The following ATP10B variants were observed in gnomAD, a reference collection of about 807,000 sequenced individuals.
ATP10B encodes ATPase phospholipid transporting 10B (putative).
Under a neutral mutation model 141.2 loss-of-function variants are expected in ATP10B, and 122 were observed. The observed-to-expected ratio is 0.86, with a 90% CI of 0.75 to 1.00. The LOEUF (loss-of-function observed/expected upper bound fraction) is 1.00. ATP10B is among the 50% of genes least tolerant of loss of function. The pLI, the probability that ATP10B is intolerant of heterozygous loss-of-function variation, is 0.00. For synonymous variants in ATP10B, 685 were observed against 692.0 expected, an observed-to-expected ratio of 0.99 and a Z score of 0.16; for missense variants, 1,876 against 1,825.3, an observed-to-expected ratio of 1.03 and a Z score of -0.51.
chr5:160,879,135 C>T, the ATP10B span, among the ~76,000 whole-genome samples: 1 of 56,986 alleles, frequency 1.8e-5, no homozygotes, highest in Non-Finnish European at 3.5e-5. Flanking sequence ...TGGAACCAAC[C>T]CAAATGTCCA....
intron 18 of ATP10B, among the ~76,000 whole-genome samples, chr5:160,607,542 CTCACCCAAGA>C (rs1232440884): frequency 6.6e-6 from 1 of 152,136 alleles, no homozygotes; most frequent in African/African-American, 2.4e-5. Flanking sequence ...TCTTTAATAA[CTCACCCAAGA>C]TCATCCAAAC....
At chr5:160,615,272 G>GTCC (rs1041956753) in intron 17 of ATP10B, among the ~76,000 whole-genome samples, 10 of 151,898 alleles carry the variant, frequency 6.6e-5, no homozygotes, top group Non-Finnish European at 1.3e-4. Context: ...CTTCAATTGG[G>GTCC]TCCTCCTCCT....
chr5:160,745,971 G>A (rs1767781144), intron 2 of ATP10B, among the ~76,000 whole-genome samples: 1 of 152,202 alleles, frequency 6.6e-6, no homozygotes, highest in Admixed American at 6.5e-5. Context: ...CTAGAATCCA[G>A]CTCTTCTCTG....
the ATP10B span, among the ~76,000 whole-genome samples, chr5:160,925,513 C>A: frequency 6.6e-6 from 1 of 152,186 alleles, no homozygotes; most frequent in Non-Finnish European, 1.5e-5. Flanking sequence ...CATGATCCAA[C>A]CCCTTAGTCA....
chr5:160,585,096 C>T, intron 24 of ATP10B, among the ~76,000 whole-genome samples: 1 of 152,272 alleles, frequency 6.6e-6, no homozygotes, highest in African/African-American at 2.4e-5. Flanking sequence ...CTCCATCATT[C>T]TTTTTTCCTC....
At chr5:160,865,179 T>TAAGG in the ATP10B span, among the ~76,000 whole-genome samples, 1 of 152,082 alleles carries the variant, frequency 6.6e-6, no homozygotes, top group South Asian at 2.1e-4. Context: ...AATTGTACTA[T>TAAGG]AAGGCTATAG....
At chr5:160,668,211 C>T (rs1490785729) in intron 7 of ATP10B, among the ~76,000 whole-genome samples, 10 of 113,094 alleles carry the variant, frequency 8.8e-5, no homozygotes, top group Admixed American at 3.5e-4. Context: ...GCTTGGGTAA[C>T]AGAGCGAGAC....
At chr5:160,566,020 A>G (rs1478090652) in intron 25 of ATP10B, 120 bp from the exon 26 acceptor site, 4 of 919,300 alleles carry the variant, frequency 4.4e-6, no homozygotes, top group Non-Finnish European at 6.5e-6. Flanking sequence ...CTTTACTGCT[A>G]TTAAATCCAT....
Position 160,584,934 on chromosome 5 carries a change from C to T in ATP10B, c.3750+4658G>A, listed in dbSNP as rs114486757. 9.5e-3 allele frequency among the ~76,000 whole-genome samples: 1,442 copies of T among 152,256 alleles called. 18 individuals carry two copies. The highest frequency in any genetic ancestry group is 0.033 in the African/African-American group (1,362 of 41,544). ...TGTTTGGTCACCAGCATAGCTGTTC[C>T]TTTTCAAGTAATTTGTCTATAGTCT... On this transcript the variant is annotated intron_variant, in intron 24 of 25. Coordinates refer to ENST00000327245, the MANE Select transcript of ATP10B (RefSeq NM_025153.3).
chr5:160,814,027 T>C (rs1432676059), intron 1 of ATP10B, among the ~76,000 whole-genome samples: 2 of 151,990 alleles, frequency 1.3e-5, no homozygotes, highest in Non-Finnish European at 2.9e-5. Flanking sequence ...ACCACAAAGA[T>C]GGGTAAAAAA....
At chr5:160,736,743 G>A (rs1036433543) in intron 2 of ATP10B, among the ~76,000 whole-genome samples, 1 of 152,124 alleles carries the variant, frequency 6.6e-6, no homozygotes, top group South Asian at 2.1e-4. Context: ...CTGGGTGACA[G>A]AGTGAGACCC....
chr5:160,905,248 C>A, the ATP10B span, among the ~76,000 whole-genome samples: 1 of 152,164 alleles, frequency 6.6e-6, no homozygotes, highest in Non-Finnish European at 1.5e-5. Context: ...ATTGTGTATG[C>A]AACTTTTCCT....
At position 160,589,713 on chromosome 5, in the gene ATP10B, G is replaced by T; in HGVS notation, c.3646-17C>A. 1.9e-6 allele frequency: 3 copies of T among 1,579,254 alleles called. No homozygotes were observed. The highest frequency in any genetic ancestry group is 1.7e-4 in the Middle Eastern group (1 of 5,990). ...CTTATAGGCCTGCAGAGGAGGAACA[G>T]ACAGGCATTGTCAGGTATGTCTGTG... On this transcript the variant is annotated splice_polypyrimidine_tract_variant and intron_variant, in intron 23 of 25. Transcript: ENST00000327245.
At chr5:160,748,423 T>C (rs1767949409) in intron 2 of ATP10B, among the ~76,000 whole-genome samples, 1 of 152,218 alleles carries the variant, frequency 6.6e-6, no homozygotes, top group African/African-American at 2.4e-5. Context: ...GGACAATTGA[T>C]AGCATTTCCC....
intron 2 of ATP10B, among the ~76,000 whole-genome samples, chr5:160,755,839 ATAT>A (rs535474224): frequency 0.01 from 319 of 31,248 alleles, 4 homozygotes; most frequent in East Asian, 0.012. Flanking sequence ...AAAAAAAAAA[ATAT>A]ATATATATAT....
At chr5:160,798,744 ATTTTTTTTT>A (rs35866347) in intron 1 of ATP10B, among the ~76,000 whole-genome samples, 4 of 102,502 alleles carry the variant, frequency 3.9e-5, no homozygotes, top group South Asian at 3.3e-4. Context: ...CTTTTTCTCT[ATTTTTTTTT>A]TTTTTTTTTT....
At chr5:160,574,432 T>C (rs1755064366) in intron 24 of ATP10B, among the ~76,000 whole-genome samples, 1 of 152,204 alleles carries the variant, frequency 6.6e-6, no homozygotes, top group African/African-American at 2.4e-5. Context: ...AGATTCTATC[T>C]CAAAAAAAAT....
intron 1 of ATP10B, among the ~76,000 whole-genome samples, chr5:160,841,899 A>G (rs1775831410): frequency 6.6e-6 from 1 of 151,980 alleles, no homozygotes; most frequent in Non-Finnish European, 1.5e-5. Context: ...TAATTTTTGT[A>G]TTTTTAGTAG....
At chr5:160,899,600 CT>C in the ATP10B span, among the ~76,000 whole-genome samples, 2 of 152,098 alleles carry the variant, frequency 1.3e-5, no homozygotes, top group African/African-American at 4.8e-5. Flanking sequence ...AAGATTTATA[CT>C]TTTCAGAGAG....
Sources: gnomAD v4.1 joint callset for allele counts (sites outside exome capture counted in the v4.1 genomes callset) on GRCh38, gnomAD v4.1.1 for gene constraint, MANE v1.5 for transcripts, NCBI Gene and HGNC (gene_info 2026-07-23, HGNC 2026-07-21) for gene names.